The following MECOM variants were observed in gnomAD, a reference collection of about 807,000 sequenced individuals.
The protein encoded by MECOM is MDS1 and EVI1 complex locus.
In MECOM, 13 loss-of-function variants were observed where a neutral mutation model predicts 116.3. That is an observed-to-expected ratio of 0.11 (90% confidence interval 0.07 to 0.18). MECOM has a LOEUF of 0.18. Among genes scored for constraint, MECOM ranks in the 10% least tolerant of loss-of-function variants. MECOM has a pLI of 1.00. For synonymous variants in MECOM, 528 were observed against 535.2 expected (o/e 0.99, Z 0.19); for missense variants, 1,299 against 1,509.0 (o/e 0.86, Z 2.31).
intron 1 of MECOM, among the ~76,000 whole-genome samples, chr3:169,453,083 G>A (rs141085549): frequency 3.0e-4 from 45 of 152,282 alleles, no homozygotes; most frequent in African/African-American, 1.0e-3. Flanking sequence ...TTACCAATTA[G>A]CTTCTTAAAA....
intron 1 of MECOM, among the ~76,000 whole-genome samples, chr3:169,571,601 G>C (rs903668733): frequency 5.9e-5 from 9 of 152,078 alleles, no homozygotes; most frequent in Admixed American, 5.9e-4. Context: ...ATACTACAAG[G>C]CTACAGTAAC....
chr3:169,620,961 A>G (rs970290639), intron 1 of MECOM, among the ~76,000 whole-genome samples: 14 of 152,244 alleles, frequency 9.2e-5, no homozygotes, highest in Non-Finnish European at 1.8e-4. Context: ...CTTAAAGTCT[A>G]GATTCAAAGA....
chr3:169,576,209 A>G (rs2109490088), intron 1 of MECOM, among the ~76,000 whole-genome samples: 1 of 152,294 alleles, frequency 6.6e-6, no homozygotes, highest in East Asian at 1.9e-4. Flanking sequence ...CAGATCCTTA[A>G]AACAGTATGT....
intron 2 of MECOM, among the ~76,000 whole-genome samples, chr3:169,334,444 G>A (rs767495728): frequency 3.3e-5 from 5 of 152,120 alleles, no homozygotes; most frequent in Non-Finnish European, 5.9e-5. Flanking sequence ...TCTGATAAAT[G>A]GATCCTGTTC....
intron 2 of MECOM, among the ~76,000 whole-genome samples, chr3:169,364,517 T>C (rs1465928336): frequency 1.3e-5 from 2 of 152,008 alleles, no homozygotes; most frequent in Non-Finnish European, 2.9e-5. Context: ...GCCCAAACAA[T>C]CAGCTTTTGA....
At chr3:169,502,877 T>C (rs1754700712) in intron 1 of MECOM, among the ~76,000 whole-genome samples, 1 of 152,172 alleles carries the variant, frequency 6.6e-6, no homozygotes. Context: ...AACCATATGC[T>C]TCATATATTA....
chr3:169,600,386 A>G (rs966842735), intron 1 of MECOM, among the ~76,000 whole-genome samples: 7 of 152,244 alleles, frequency 4.6e-5, no homozygotes, highest in African/African-American at 1.4e-4. Context: ...TTAGTCACCC[A>G]TAGTTTTCTC....
chr3:169,515,566 C>G (rs919270941), intron 1 of MECOM, among the ~76,000 whole-genome samples: 2 of 152,038 alleles, frequency 1.3e-5, no homozygotes, highest in African/African-American at 4.8e-5. Context: ...TGGGCCCTAT[C>G]GAAGCTGAGA....
intron 2 of MECOM, among the ~76,000 whole-genome samples, chr3:169,190,247 T>A (rs1577299482): frequency 6.6e-6 from 1 of 152,188 alleles, no homozygotes; most frequent in East Asian, 1.9e-4. Flanking sequence ...CAAGGTATTT[T>A]AAAAATCTGG....
In MECOM at chr3:169,419,637, C is replaced by T. The variant is rs535495437; in HGVS notation, c.38-38113G>A. Among the ~76,000 whole-genome samples the T allele has an allele frequency of 2.6e-5, 4 of 152,234 alleles. No individual in the cohort carries two copies. In the East Asian group the frequency reaches 7.7e-4, roughly 29 times the overall value. On this transcript the variant is annotated intron_variant, in intron 1 of 16. Coordinates refer to ENST00000651503, the MANE Select transcript of MECOM (RefSeq NM_004991.4). ...ACGGATTAAAGATTTAAATGTAAGA[C>T]CTAAAAGCATAAAAACCATAGAAGA...
At chr3:169,280,216 A>T (rs1403025234) in intron 2 of MECOM, among the ~76,000 whole-genome samples, 1 of 152,218 alleles carries the variant, frequency 6.6e-6, no homozygotes, top group Non-Finnish European at 1.5e-5. Context: ...ATTGGTCAAG[A>T]TCAGCTAAAT....
At chr3:169,610,498 C>T (rs979958946) in intron 1 of MECOM, among the ~76,000 whole-genome samples, 1 of 128,606 alleles carries the variant, frequency 7.8e-6, no homozygotes, top group African/African-American at 2.9e-5. Context: ...TGTAATGTTA[C>T]GTGTGTGTGT....
At chr3:169,200,437 G>A (rs1748990774) in intron 2 of MECOM, among the ~76,000 whole-genome samples, 1 of 151,916 alleles carries the variant, frequency 6.6e-6, no homozygotes, top group Non-Finnish European at 1.5e-5. Flanking sequence ...AAGACACAGT[G>A]GGAGGTTTTT....
intron 1 of MECOM, among the ~76,000 whole-genome samples, chr3:169,593,723 T>C (rs1284089647): frequency 6.6e-6 from 1 of 152,214 alleles, no homozygotes; most frequent in East Asian, 1.9e-4. Flanking sequence ...CAGATGCTGC[T>C]GGACTTGAGA....
At chr3:169,295,569 A>C (rs1715427268) in intron 2 of MECOM, among the ~76,000 whole-genome samples, 1 of 152,246 alleles carries the variant, frequency 6.6e-6, no homozygotes, top group Non-Finnish European at 1.5e-5. Context: ...AAACATTTCC[A>C]TTATGCCTTT....
At chr3:169,201,194 A>G (rs904668486) in intron 2 of MECOM, among the ~76,000 whole-genome samples, 2 of 152,098 alleles carry the variant, frequency 1.3e-5, no homozygotes, top group Non-Finnish European at 2.9e-5. Context: ...CACATCACCA[A>G]TTGTTGACAA....
intron 2 of MECOM, among the ~76,000 whole-genome samples, chr3:169,231,542 T>TCAGCTGTAGTCAGAGAAAA (rs1328764561): frequency 1.3e-5 from 2 of 152,098 alleles, no homozygotes; most frequent in African/African-American, 4.8e-5. Context: ...ACAGCTATAG[T>TCAGCTGTAGTCAGAGAAAA]CAGCTGTAGT....
chr3:169,626,821 TC>T (rs1257683197), intron 1 of MECOM, among the ~76,000 whole-genome samples: 1 of 151,064 alleles, frequency 6.6e-6, no homozygotes, highest in East Asian at 2.1e-4. Flanking sequence ...GTTTCTTTTC[TC>T]TTTTTTTTTT....
At chr3:169,451,481 G>C (rs746788825) in intron 1 of MECOM, among the ~76,000 whole-genome samples, 10 of 152,108 alleles carry the variant, frequency 6.6e-5, no homozygotes, top group Non-Finnish European at 1.0e-4. Flanking sequence ...TGGGTTTTTG[G>C]TTTGCTTGTT....
Sources: gnomAD v4.1 joint callset for allele counts (sites outside exome capture counted in the v4.1 genomes callset) on GRCh38, gnomAD v4.1.1 for gene constraint, MANE v1.5 for transcripts, NCBI Gene and HGNC (gene_info 2026-07-23, HGNC 2026-07-21) for gene names.